Variants in MXI1 observed in about 807,000 individuals in gnomAD.
The protein encoded by MXI1 is MAX interactor 1, dimerization protein, also known as max-interacting protein 1.
MXI1 carries 18 observed loss-of-function variants against 36.9 expected under a neutral mutation model. The observed-to-expected ratio is 0.49, with a 90% CI of 0.34 to 0.72. The LOEUF (loss-of-function observed/expected upper bound fraction) is 0.72. MXI1 is among the 30% of genes least tolerant of loss of function. The pLI is 0.01. For missense variants in MXI1, 304 were observed against 379.1 expected, an observed-to-expected ratio of 0.80 and a Z score of 1.64; for synonymous variants, 160 against 146.7, an observed-to-expected ratio of 1.09 and a Z score of -0.65.
At chr10:110,247,346 CTCT>C (rs1425665171) in intron 3 of MXI1, among the ~76,000 whole-genome samples, 1 of 152,134 alleles carries the variant, frequency 6.6e-6, no homozygotes, top group Non-Finnish European at 1.5e-5. Flanking sequence ...TGCCTGTTGA[CTCT>C]GATGGTAGTT....
intron 3 of MXI1, among the ~76,000 whole-genome samples, chr10:110,247,831 A>G (rs12243499): frequency 2.0e-5 from 3 of 152,174 alleles, no homozygotes; most frequent in Admixed American, 2.0e-4. Flanking sequence ...TTGACCCAGC[A>G]ATCGCATTAC....
chr10:110,263,069 A>G (rs1017075807), intron 3 of MXI1, among the ~76,000 whole-genome samples: 1 of 152,174 alleles, frequency 6.6e-6, no homozygotes. Flanking sequence ...TGTATCTGAC[A>G]CGGTGCCTTG....
intron 3 of MXI1, among the ~76,000 whole-genome samples, chr10:110,248,414 T>G (rs1314886863): frequency 2.0e-5 from 3 of 152,236 alleles, no homozygotes; most frequent in Non-Finnish European, 4.4e-5. Context: ...TGATAACCTT[T>G]TTAAAAACCC....
At chr10:110,275,972 A>AT (rs1339634703) in intron 3 of MXI1, among the ~76,000 whole-genome samples, 1 of 152,022 alleles carries the variant, frequency 6.6e-6, no homozygotes, top group African/African-American at 2.4e-5. Context: ...GGCTAAAAAA[A>AT]ATATCTTTTA....
chr10:110,240,094 C>T (rs1289574382), intron 2 of MXI1, among the ~76,000 whole-genome samples: 2 of 151,992 alleles, frequency 1.3e-5, no homozygotes, highest in Non-Finnish European at 2.9e-5. Flanking sequence ...TGTTATTGCA[C>T]AATAGTTGTA....
At chr10:110,263,137 T>TC (rs1856574101) in intron 3 of MXI1, among the ~76,000 whole-genome samples, 1 of 152,270 alleles carries the variant, frequency 6.6e-6, no homozygotes, top group Non-Finnish European at 1.5e-5. Flanking sequence ...TCTGCACCTT[T>TC]CGTTAGATTC....
intron 1 of MXI1, among the ~76,000 whole-genome samples, chr10:110,223,042 C>T (rs1209455330): frequency 6.6e-6 from 1 of 152,168 alleles, no homozygotes; most frequent in African/African-American, 2.4e-5. Flanking sequence ...TGCAGGTGGC[C>T]TTTTGGTGAG....
intron 1 of MXI1, among the ~76,000 whole-genome samples, chr10:110,215,052 T>G (rs1320444094): frequency 1.6e-5 from 2 of 127,434 alleles, no homozygotes; most frequent in African/African-American, 6.8e-5. Flanking sequence ...TGTTTTTTTT[T>G]TTTTTTTGAG....
intron 2 of MXI1, among the ~76,000 whole-genome samples, chr10:110,231,522 A>G (rs928048090): frequency 4.6e-5 from 7 of 152,218 alleles, no homozygotes; most frequent in Non-Finnish European, 7.3e-5. Context: ...TATTACAAAT[A>G]TGTTCCTTGC....
chr10:110,213,869 C>G (rs1021680816), intron 1 of MXI1, among the ~76,000 whole-genome samples: 1 of 152,228 alleles, frequency 6.6e-6, no homozygotes, highest in Admixed American at 6.5e-5. Context: ...TGCTGGCGTG[C>G]AGCAGCAGCA....
chr10:110,208,740 G>GCCCCCCCCCC (rs34161324), intron 1 of MXI1: 2 of 95,768 alleles, frequency 2.1e-5, no homozygotes, highest in Admixed American at 1.1e-4. Flanking sequence ...TGCCACCGCC[G>GCCCCCCCCCC]CCCCCCCCCC....
chr10:110,264,397 C>T (rs1336654506), intron 3 of MXI1, among the ~76,000 whole-genome samples: 11 of 146,278 alleles, frequency 7.5e-5, no homozygotes, highest in Non-Finnish European at 1.0e-4. Context: ...GATGGAGTCT[C>T]GCTCTGTCAC....
At chr10:110,225,884 C>A in intron 1 of MXI1, 2 of 510,938 alleles carry the variant, frequency 3.9e-6, no homozygotes, top group Non-Finnish European at 5.0e-6. Context: ...CTACGATTCC[C>A]GGCAGCCGCG....
At chr10:110,257,847 T>C (rs1856371684) in intron 3 of MXI1, 1 of 335,308 alleles carries the variant, frequency 3.0e-6, no homozygotes, top group Admixed American at 3.2e-5. Context: ...CATGGCATAA[T>C]AGGTGTTTAA....
chr10:110,248,054 A>T lies in MXI1; in HGVS notation c.437+3197A>T, dbSNP rs541167256. ...GTTCATGTCCTTTGTAGGGACATGG[A>T]TGAAGCTGGAAACCATCATTCTCAG... On this transcript the variant is annotated intron_variant, in intron 3 of 5. Transcript: ENST00000332674. 1.1e-4 allele frequency among the ~76,000 whole-genome samples: 16 copies of T among 152,324 alleles called. No individual in the cohort carries two copies. In the South Asian group the frequency reaches 2.7e-3, roughly 26 times the overall value.
chr10:110,226,251 A>C, intron 1 of MXI1: 1 of 1,500,640 alleles, frequency 6.7e-7, no homozygotes. Flanking sequence ...CGTCTGCTGG[A>C]GGCTGCCGAG....
chr10:110,279,838 C>T (rs1019508816), intron 4 of MXI1, 76 bp from the exon 5 acceptor site: 2 of 1,129,404 alleles, frequency 1.8e-6, no homozygotes, highest in Admixed American at 6.4e-5. Flanking sequence ...TTCATGTTTT[C>T]TCTGCTAAAG....
At chr10:110,231,799 C>T (rs1359047151) in intron 2 of MXI1, among the ~76,000 whole-genome samples, 1 of 152,166 alleles carries the variant, frequency 6.6e-6, no homozygotes, top group African/African-American at 2.4e-5. Context: ...GGTCTGTCAT[C>T]CTTAAAACTC....
At chr10:110,271,215 GA>G (rs924037518) in intron 3 of MXI1, among the ~76,000 whole-genome samples, 10 of 147,056 alleles carry the variant, frequency 6.8e-5, no homozygotes, top group East Asian at 2.0e-4. Flanking sequence ...AGCTGCACCA[GA>G]AAAAAAAAAG....
Sources: allele counts gnomAD v4.1 joint callset (sites outside exome capture counted in the v4.1 genomes callset), GRCh38; gene constraint gnomAD v4.1.1; transcripts MANE v1.5; gene names NCBI Gene and HGNC (gene_info 2026-07-23, HGNC 2026-07-21).